HMCN2: variants seen among roughly 807,000 people sequenced by gnomAD.
The protein encoded by HMCN2 is hemicentin-2.
In HMCN2, 325 loss-of-function variants were observed where a neutral mutation model predicts 377.5. That is an observed-to-expected ratio of 0.86 (90% CI 0.79 to 0.94). The LOEUF (loss-of-function observed/expected upper bound fraction) is 0.94. Among genes scored for constraint, HMCN2 ranks in the 40% least tolerant of loss-of-function variants. The pLI is 0.00. For synonymous variants in HMCN2, 2,007 were observed against 2,046.8 expected, an observed-to-expected ratio of 0.98 and a Z score of 0.53; for missense variants, 4,543 against 4,725.3, an observed-to-expected ratio of 0.96 and a Z score of 1.13.
intron 1 of HMCN2, among the ~76,000 whole-genome samples, chr9:130,278,037 CACCACCATCATCATT>C (rs1443686235): frequency 1.3e-4 from 1 of 7,758 alleles, no homozygotes; most frequent in Non-Finnish European, 2.0e-4. Flanking sequence ...CGATCATCAC[CACCACCATCATCATT>C]ACCACCACCA....
At chr9:130,406,212 C>T (rs559162392) in intron 82 of HMCN2, 44 bp downstream of exon 82, 45 of 1,282,020 alleles carry the variant, frequency 3.5e-5, no homozygotes, top group South Asian at 3.5e-4. Context: ...GCCAGGACAC[C>T]GGGAGGTTAA....
At chr9:130,346,501 G>A (rs1342144293) in intron 25 of HMCN2, among the ~76,000 whole-genome samples, 2 of 152,056 alleles carry the variant, frequency 1.3e-5, no homozygotes, top group Non-Finnish European at 2.9e-5. Flanking sequence ...CACTCACGGT[G>A]GGGCTGGGGG....
rs558588107 is a variant in HMCN2 at position 130,390,475 on chromosome 9, G to A, written c.9524-502G>A. Reference sequence around the variant, plus strand: ...GCTGGATCCATGAGGATCTGGGCAAGGAGATCGTCCTGGGCTGGGGCCGTG... The same window carrying A: ...GCTGGATCCATGAGGATCTGGGCAAAGAGATCGTCCTGGGCTGGGGCCGTG... On this transcript the variant is annotated intron_variant, in intron 62 of 97. Transcript: ENST00000683500. Among the ~76,000 whole-genome samples, 247 of 152,372 alleles carry A rather than the reference G, an allele frequency of 1.6e-3. 3 individuals are homozygous for A. Among genetic ancestry groups the A allele is most frequent in the Non-Finnish European group, 2.7e-3 (181 of 68,040 alleles).
chr9:130,424,279 C>T (rs1278832772), intron 87 of HMCN2, among the ~76,000 whole-genome samples: 1 of 151,166 alleles, frequency 6.6e-6, no homozygotes, highest in East Asian at 1.9e-4. Flanking sequence ...TCCGGGTTCA[C>T]ACCATTATCC....
chr9:130,306,767 C>T (rs1554936928), intron 12 of HMCN2, 44 bp from the exon 13 acceptor site: 10 of 446,554 alleles, frequency 2.2e-5, no homozygotes, highest in South Asian at 1.6e-4. Context: ...GATTGTGGAT[C>T]AACCCCTTTT....
At position 130,394,622 on chromosome 9, in the gene HMCN2, G is replaced by C. The variant is rs759840730; in HGVS notation, c.10692+47G>C. On this transcript the variant is annotated intron_variant, in intron 69 of 97. Coordinates refer to ENST00000683500, the MANE Select transcript of HMCN2 (RefSeq NM_001291815.2). This position sits in a 1 kb window ranked among gnomAD's most constrained non-coding sequence, Gnocchi z 5.1. ...GGCGAGGCTGGGGGTTGGGGGAGAG[G>C]GGAGGGACTGCAGGTTCCCCAGACC... is the stretch of plus-strand genomic sequence containing the variant. 29 of 1,231,014 alleles carry C rather than the reference G, an allele frequency of 2.4e-5. No individual in the cohort carries two copies. The highest frequency in any genetic ancestry group is 2.6e-5 in the Non-Finnish European group (25 of 954,612). 76.3% of individuals were successfully genotyped at this position (1,231,014 alleles called of 1,614,324 possible).
rs1176354192 is a variant in HMCN2, at chr9:130,396,044, G to A, written c.11032G>A (p.Ala3678Thr). Residue 3678 changes from alanine to threonine, a missense_variant, in exon 72 of 98, where the codon GCC becomes ACC. By Grantham distance (58) the Ala-to-Thr change is moderately conservative. This residue lies in a region of HMCN2 where 1,073 missense variants were observed against 1,319.5 expected (regional missense o/e 0.81). Transcript: ENST00000683500. ...ARNAAGSTSV[A>T]FRVEIHTVPT... is the part of the protein sequence containing the mutation. ...CAACGCCGCAGGCAGCACTAGTGTC[G>A]CCTTCCGCGTGGAGATCCACAGTGA... The A allele has an allele frequency of 3.1e-6, 4 of 1,285,512 alleles. No homozygotes were observed. Among genetic ancestry groups the A allele is most frequent in the East Asian group, 5.6e-5 (1 of 17,946 alleles). The allele number at this position is 1,285,512 out of a possible 1,614,324, so 79.6% of individuals were successfully genotyped here. A position where few individuals can be genotyped will look rare whatever the true frequency, so the allele number is the denominator to read the frequency against.
intron 83 of HMCN2, 113 bp downstream of exon 83, chr9:130,407,818 C>A: frequency 2.6e-6 from 2 of 775,154 alleles, no homozygotes; most frequent in Non-Finnish European, 3.3e-6. Context: ...TGGTTCCCCA[C>A]CCTGGCTGCA....
Position 130,404,944 on chromosome 9 carries a change from C to T in HMCN2, c.12224C>T (p.Ala4075Val), listed in dbSNP as rs536155708. ...EGSHAFLPCK[A>V]RGSPEPNITW... ...TCCCACGCCTTCTTGCCTTGCAAGGCGAGGGGCAGTCCTGAGCCCAACATC... is the reference window on the plus strand; with the variant it reads ...TCCCACGCCTTCTTGCCTTGCAAGGTGAGGGGCAGTCCTGAGCCCAACATC... The change falls in exon 81 of 98, where the codon GCG becomes GTG. Residue 4075 changes from alanine to valine, a missense_variant. Coordinates refer to ENST00000683500, the MANE Select transcript of HMCN2 (RefSeq NM_001291815.2). 2.3e-4 allele frequency: 299 copies of T among 1,289,040 alleles called. 2 individuals are homozygous for T. In the South Asian group the frequency reaches 3.2e-3, roughly 14 times the overall value. 79.9% of individuals were successfully genotyped at this position (1,289,040 alleles called of 1,614,324 possible). A position where few individuals can be genotyped will look rare whatever the true frequency, so the allele number is the denominator to read the frequency against.
Position 130,423,981 on chromosome 9 carries a change from CT to C in HMCN2, c.13382-785del, listed in dbSNP as rs113886984. Among the ~76,000 whole-genome samples, 25 of 148,472 alleles carry C rather than the reference CT, an allele frequency of 1.7e-4. No homozygotes were observed. Among genetic ancestry groups the C allele is most frequent in the Middle Eastern group, 6.8e-3 (2 of 292 alleles). On this transcript the variant is annotated intron_variant, in intron 87 of 97. Coordinates refer to ENST00000683500, the MANE Select transcript of HMCN2 (RefSeq NM_001291815.2). This position sits in a 1 kb window ranked among gnomAD's most constrained non-coding sequence, Gnocchi z 5.5. ...AACAAGGTACATGCATTTATTTCTTCTTTTTTTTTTCTTTTTGAGACTGCTT... is the reference window on the plus strand; with the variant it reads ...AACAAGGTACATGCATTTATTTCTTCTTTTTTTTTCTTTTTGAGACTGCTT...
intron 46 of HMCN2, 119 bp from the exon 47 acceptor site, chr9:130,372,175 G>C (rs114799959): frequency 0.014 from 2,527 of 179,200 alleles, 79 homozygotes; most frequent in African/African-American, 0.057. Flanking sequence ...GGACACAATG[G>C]GAGACAGACA....
At chr9:130,314,249 G>T (rs1217607030) in intron 15 of HMCN2, among the ~76,000 whole-genome samples, 2 of 152,188 alleles carry the variant, frequency 1.3e-5, no homozygotes, top group Non-Finnish European at 2.9e-5. Flanking sequence ...GGAGAAATGG[G>T]CTGGGCTCTG....
At chr9:130,415,253 A>G (rs551685160) in intron 85 of HMCN2, among the ~76,000 whole-genome samples, 28 of 152,362 alleles carry the variant, frequency 1.8e-4, no homozygotes, top group African/African-American at 6.7e-4. Flanking sequence ...TCATACCAGG[A>G]ACAAGGAAAA....
intron 39 of HMCN2, among the ~76,000 whole-genome samples, chr9:130,362,422 G>A (rs1840436655): frequency 6.6e-6 from 1 of 152,248 alleles, no homozygotes; most frequent in Admixed American, 6.5e-5. Flanking sequence ...AGAAACAGGT[G>A]AGATCAATGT....
At position 130,386,534 on chromosome 9, in the gene HMCN2, G is replaced by A. The variant is rs1273120215; in HGVS notation, c.9391+10G>A. 7.7e-7 allele frequency: 1 copy of A among 1,301,602 alleles called. No homozygotes were observed. Among genetic ancestry groups the A allele is most frequent in the East Asian group, 5.6e-5 (1 of 18,010 alleles). The allele number at this position is 1,301,602 out of a possible 1,614,324, so 80.6% of individuals were successfully genotyped here. ...ACCCTCACCGTCCAGGGTAAGCCAGGGACCAGCCTAGCCAACGTGACTGTG... is the reference window on the plus strand; with the variant it reads ...ACCCTCACCGTCCAGGGTAAGCCAGAGACCAGCCTAGCCAACGTGACTGTG... On this transcript the variant is annotated intron_variant, in intron 61 of 97. Coordinates refer to ENST00000683500, the MANE Select transcript of HMCN2 (RefSeq NM_001291815.2).
At chr9:130,365,211 C>T (rs1023148700) in intron 41 of HMCN2, among the ~76,000 whole-genome samples, 1 of 152,268 alleles carries the variant, frequency 6.6e-6, no homozygotes, top group Non-Finnish European at 1.5e-5. Flanking sequence ...AGCCTAGCCC[C>T]AGCAACCCCA....
intron 85 of HMCN2, among the ~76,000 whole-genome samples, chr9:130,416,166 G>A (rs190950854): frequency 1.0e-3 from 154 of 149,706 alleles, no homozygotes; most frequent in African/African-American, 3.5e-3. Context: ...GTGCAGTGGC[G>A]CGATCTCGGC....
chr9:130,365,375 A>C (rs1840639574), intron 41 of HMCN2, among the ~76,000 whole-genome samples: 1 of 147,466 alleles, frequency 6.8e-6, no homozygotes, highest in Non-Finnish European at 1.5e-5. Flanking sequence ...CCTCCCCCTT[A>C]GCAGATCTGG....
Position 130,396,074 on chromosome 9 carries a change from G to A in HMCN2, c.11053+9G>A. 1 of 1,266,926 alleles carries A rather than the reference G, an allele frequency of 7.9e-7. No homozygotes were observed. The highest frequency in any genetic ancestry group is 1.0e-6 in the Non-Finnish European group (1 of 975,858). The allele number at this position is 1,266,926 out of a possible 1,614,324, so 78.5% of individuals were successfully genotyped here. On this transcript the variant is annotated intron_variant, in intron 72 of 97. Coordinates refer to ENST00000683500, the MANE Select transcript of HMCN2 (RefSeq NM_001291815.2). ...CCGCGTGGAGATCCACAGTGAGTAG[G>A]GCCCGCCCCACCCCACCCTGCCCAC...
Sources: allele counts gnomAD v4.1 joint callset (sites outside exome capture counted in the v4.1 genomes callset), GRCh38; gene constraint gnomAD v4.1.1; regional missense constraint gnomAD v4.1.1; non-coding constraint Gnocchi (gnomAD v3.1); transcripts MANE v1.5; gene names NCBI Gene and HGNC (gene_info 2026-07-23, HGNC 2026-07-21).